Variants in HAL observed in about 807,000 individuals in gnomAD.
HAL encodes the protein histidase.
In HAL, 85 loss-of-function variants were observed where a neutral mutation model predicts 81.1. That is an observed-to-expected ratio of 1.05 (90% CI 0.88 to 1.25). The LOEUF (loss-of-function observed/expected upper bound fraction) is 1.25, where lower values mean the gene tolerates loss of function less well. HAL is among the 50% of genes most tolerant of loss of function. The pLI, the probability that HAL is intolerant of heterozygous loss-of-function variation, is 0.00. For synonymous variants in HAL, 301 were observed against 309.2 expected, an observed-to-expected ratio of 0.97 and a Z score of 0.28; for missense variants, 798 against 836.6, an observed-to-expected ratio of 0.95 and a Z score of 0.57.
chr12:95,977,642 C>CAAAAAA (rs60410496), intron 18 of HAL, among the ~76,000 whole-genome samples: 1,438 of 99,570 alleles, frequency 0.014, 55 homozygotes, highest in African/African-American at 0.056. Flanking sequence ...GATCCTGCCT[C>CAAAAAA]AAAAAAAAAA....
intron 18 of HAL, among the ~76,000 whole-genome samples, chr12:95,977,221 G>A (rs2080731654): frequency 6.6e-6 from 1 of 152,022 alleles, no homozygotes; most frequent in Non-Finnish European, 1.5e-5. Context: ...TTGCTTCCAG[G>A]TCCACCGTGA....
intron 12 of HAL, among the ~76,000 whole-genome samples, chr12:95,986,568 C>T (rs1949891368): frequency 6.6e-6 from 1 of 152,320 alleles, no homozygotes; most frequent in East Asian, 1.9e-4. Context: ...CTTAAAGGAA[C>T]AGGGCGAATA....
In HAL at chr12:95,974,299, G is replaced by A; in HGVS notation, c.1907C>T (p.Pro636Leu). The A allele has an allele frequency of 3.1e-6, 5 of 1,612,872 alleles. No individual in the cohort carries two copies. The highest frequency in any genetic ancestry group is 4.2e-6 in the Non-Finnish European group (5 of 1,178,866). The change falls in exon 21 of 21, where the codon CCA becomes CTA. Residue 636 changes from proline (P) to leucine (L), a missense_variant. Coordinates refer to ENST00000261208, the MANE Select transcript of HAL (RefSeq NM_002108.4). ...EHIPESRPLSPTAFSLQFLHK... is the reference protein window; with the variant it reads ...EHIPESRPLSLTAFSLQFLHK... ...CAGAAATTGCAGTGAAAAGGCTGTT[G>A]GAGAAAGAGGTCTTGATTCTGGAAT...
intron 10 of HAL, among the ~76,000 whole-genome samples, 155 bp from the exon 11 acceptor site, chr12:95,988,395 C>T (rs1949922920): frequency 6.6e-6 from 1 of 152,162 alleles, no homozygotes; most frequent in African/African-American, 2.4e-5. Context: ...GTTCTCTGGT[C>T]TATTCTCTAG....
In HAL at chr12:95,995,830, C is replaced by G; in HGVS notation, c.81G>C (p.Leu27=). 1 of 1,611,826 alleles carries G rather than the reference C, an allele frequency of 6.2e-7. No homozygotes were observed. The highest frequency in any genetic ancestry group is 8.5e-7 in the Non-Finnish European group (1 of 1,180,018). ...CQDAQLTVGW[L]GREAVRRYIK... ...TATAGCGCCTCACGGCCTCCCGGCC[C>G]AGCCAGCCCACAGTGAGCTGCGCGT... The change falls in exon 2 of 21, where the codon CTG becomes CTC. Residue 27 remains leucine (L), a synonymous_variant. Coordinates refer to ENST00000261208, the MANE Select transcript of HAL (RefSeq NM_002108.4).
chr12:95,977,665 A>AG (rs2080738598), intron 18 of HAL, among the ~76,000 whole-genome samples: 1 of 145,844 alleles, frequency 6.9e-6, no homozygotes, highest in East Asian at 2.0e-4. Context: ...AAAAAAAGAG[A>AG]AAAAAAAAGC....
chr12:95,984,175 C>A (rs150466286), intron 14 of HAL, among the ~76,000 whole-genome samples, 184 bp from the exon 15 acceptor site: 16 of 152,174 alleles, frequency 1.1e-4, no homozygotes, highest in African/African-American at 2.6e-4. Context: ...TTTGGGTTTT[C>A]ACTGAAACAA....
Position 95,993,975 on chromosome 12 carries a change from C to T in HAL, c.435G>A (p.Arg145=). The change falls in exon 6 of 21, where the codon AGG becomes AGA. Residue 145 remains arginine (R), a synonymous_variant. Coordinates refer to ENST00000261208, the MANE Select transcript of HAL (RefSeq NM_002108.4). ...KIKLTPTAEK[R]VQKSREVIDS... is the part of the protein sequence containing the mutation. ...CTATGACCTCCCTGGATTTCTGCACCCTCTTCTCAGCTGTTGGGGTGAGCT... is the reference window on the plus strand; with the variant it reads ...CTATGACCTCCCTGGATTTCTGCACTCTCTTCTCAGCTGTTGGGGTGAGCT... The T allele has an allele frequency of 6.2e-7, 1 of 1,611,962 alleles. No individual in the cohort carries two copies. Among genetic ancestry groups the T allele is most frequent in the Non-Finnish European group, 8.5e-7 (1 of 1,178,146 alleles).
At chr12:95,979,544 A>T (rs113900742) in intron 17 of HAL, among the ~76,000 whole-genome samples, 2 of 152,232 alleles carry the variant, frequency 1.3e-5, no homozygotes, top group Non-Finnish European at 2.9e-5. Context: ...CTGATCTAGC[A>T]TCTACGCATG....
intron 20 of HAL, 130 bp downstream of exon 20, chr12:95,976,299 C>T: frequency 1.2e-6 from 1 of 805,368 alleles, no homozygotes; most frequent in Non-Finnish European, 2.2e-6. Flanking sequence ...CAAGTTGTTG[C>T]TCAAATACCT....
At chr12:95,993,057 ACCTCCCACTC>A (rs1949991635) in intron 8 of HAL, among the ~76,000 whole-genome samples, 1 of 151,812 alleles carries the variant, frequency 6.6e-6, no homozygotes, top group South Asian at 2.1e-4. Flanking sequence ...TGAACCCCTG[ACCTCCCACTC>A]ACCTTTAGAA....
chr12:95,992,805 C>G lies in HAL; in HGVS notation c.590G>C (p.Gly197Ala), dbSNP rs541743724. Residue 197 changes from glycine to alanine, a missense_variant and splice_region_variant, in exon 9 of 21, where the codon GGT becomes GCT. Coordinates refer to ENST00000261208, the MANE Select transcript of HAL (RefSeq NM_002108.4). ...CTCAGGACTTAGTGGTTTCCCAACA[C>G]CTGCAAAACAGAATTGATGTTTTCT... is the stretch of plus-strand genomic sequence containing the variant. ...QVNLVRSHSS[G>A]VGKPLSPERC... The G allele has an allele frequency of 3.8e-5, 62 of 1,612,694 alleles. No individual in the cohort carries two copies. In the Admixed American group the frequency reaches 9.8e-4, roughly 26 times the overall value.
chr12:95,981,785 C>G (rs1283703093), intron 15 of HAL, among the ~76,000 whole-genome samples: 1 of 152,126 alleles, frequency 6.6e-6, no homozygotes, highest in African/African-American at 2.4e-5. Flanking sequence ...CCATCATGCA[C>G]TTTACTTAAA....
rs1258675953 is a variant in HAL at position 95,980,655 on chromosome 12, G to A, written c.1420C>T (p.Leu474Phe). 1 of 1,613,918 alleles carries A rather than the reference G, an allele frequency of 6.2e-7. No individual in the cohort carries two copies. The highest frequency in any genetic ancestry group is 8.5e-7 in the Non-Finnish European group (1 of 1,179,880). Residue 474 changes from leucine (L) to phenylalanine (F), a missense_variant, in exon 17 of 21, where the codon CTC becomes TTC. Leu to Phe is a conservative substitution (Grantham distance 22). Transcript: ENST00000261208. The stretch of plus-strand genomic sequence containing the variant: ...AGCTCACTGAGGGAGGGATTGCAGA[G>A]CCGCTCGATTCTTCTCTCACTGATT... ...AAISERRIER[L>F]CNPSLSELPA...
intron 17 of HAL, among the ~76,000 whole-genome samples, chr12:95,979,117 A>T (rs373123986): frequency 6.6e-6 from 1 of 152,262 alleles, no homozygotes; most frequent in Non-Finnish European, 1.5e-5. Context: ...CAATGAAAGC[A>T]AGCCAAACAA....
intron 9 of HAL, among the ~76,000 whole-genome samples, chr12:95,992,245 A>T (rs1390172008): frequency 2.0e-5 from 3 of 152,364 alleles, no homozygotes; most frequent in Admixed American, 6.5e-5. Context: ...TTAGTGTGCA[A>T]GTCTGGCCAT....
rs745355227 is a variant in HAL at position 95,973,063 on chromosome 12, C to T, written c.*1169G>A. The T allele has an allele frequency of 6.6e-6, 1 of 152,148 alleles. No homozygotes were observed. The highest frequency in any genetic ancestry group is 1.9e-4 in the East Asian group (1 of 5,198). The allele number at this position is 152,148 out of a possible 1,614,324, so 9.4% of individuals were successfully genotyped here. Reference sequence around the variant, plus strand: ...AGGGTGAAAACTCTATTGTGAAATCCACTGTTCGGCCCATTTTAGATGGCA... The same window carrying T: ...AGGGTGAAAACTCTATTGTGAAATCTACTGTTCGGCCCATTTTAGATGGCA... On this transcript the variant is annotated 3_prime_UTR_variant, in exon 21 of 21. Coordinates refer to ENST00000261208, the MANE Select transcript of HAL (RefSeq NM_002108.4).
intron 9 of HAL, among the ~76,000 whole-genome samples, chr12:95,991,000 C>T (rs1949963600): frequency 6.6e-6 from 1 of 152,158 alleles, no homozygotes; most frequent in Non-Finnish European, 1.5e-5. Flanking sequence ...GTCCCAACTA[C>T]TGGGAAGGCT....
chr12:95,994,049 C>A (rs775800864), intron 5 of HAL, 41 bp downstream of exon 5: 6 of 1,595,318 alleles, frequency 3.8e-6, no homozygotes, highest in South Asian at 3.3e-5. Flanking sequence ...CCACGGGCAA[C>A]AAAAATGGCC....
Sources: allele counts gnomAD v4.1 joint callset (sites outside exome capture counted in the v4.1 genomes callset), GRCh38; gene constraint gnomAD v4.1.1; transcripts MANE v1.5; gene names NCBI Gene and HGNC (gene_info 2026-07-23, HGNC 2026-07-21).